The following LRBA variants were observed in gnomAD, a reference collection of about 807,000 sequenced individuals.
The protein encoded by LRBA is LPS responsive beige-like anchor protein.
A neutral mutation model predicts 330.0 loss-of-function variants in LRBA; 176 were observed. The ratio of observed to expected loss-of-function variants is 0.53; its 90% CI spans 0.47 to 0.60. LRBA has a LOEUF of 0.60. Ranked by LOEUF, LRBA falls within the 20% of genes least tolerant of loss-of-function variation. LRBA has a pLI of 0.00. For missense variants in LRBA, 3,259 were observed against 3,444.8 expected (o/e 0.95, Z 1.35); for synonymous variants, 1,230 against 1,193.0 (o/e 1.03, Z -0.64).
At chr4:150,335,547 C>T (rs1352422250) in intron 48 of LRBA, among the ~76,000 whole-genome samples, 2 of 144,810 alleles carry the variant, frequency 1.4e-5, no homozygotes, top group African/African-American at 2.6e-5. Context: ...TATATATATA[C>T]ACACACACAT....
rs1199017052 is a variant in LRBA, at chr4:150,265,581, A to AAAAT, written c.*137_*140dup. On this transcript the variant is annotated 3_prime_UTR_variant, in exon 57 of 57. Coordinates refer to ENST00000651943, the MANE Select transcript of LRBA (RefSeq NM_001364905.1). ...CCAAAAAAGTCAAGCAAAGACTACAAAAATAGCAATTATTAATAACTTTAA... is the reference window on the plus strand; with the variant it reads ...CCAAAAAAGTCAAGCAAAGACTACAAAAATAAATAGCAATTATTAATAACTTTAA... 4.0e-5 allele frequency: 24 copies of AAAAT among 607,270 alleles called. No individual in the cohort carries two copies. The South Asian group carries it at 5.2e-4, about 13-fold the overall frequency. The allele number at this position is 607,270 out of a possible 1,614,324, so 37.6% of individuals were successfully genotyped here. A position where few individuals can be genotyped will look rare whatever the true frequency, so the allele number is the denominator to read the frequency against.
chr4:150,597,091 T>C, intron 38 of LRBA: 2 of 1,400,324 alleles, frequency 1.4e-6, no homozygotes, highest in East Asian at 4.9e-5. Context: ...ACCTTTGCTG[T>C]TCTCTCTCAA....
chr4:150,297,991 A>G (rs1394649225), intron 53 of LRBA, among the ~76,000 whole-genome samples: 1 of 152,182 alleles, frequency 6.6e-6, no homozygotes, highest in Non-Finnish European at 1.5e-5. Flanking sequence ...TTAAAAACAA[A>G]GTACACCTGT....
At chr4:150,515,385 A>C (rs573070698) in intron 40 of LRBA, among the ~76,000 whole-genome samples, 16 of 152,290 alleles carry the variant, frequency 1.1e-4, no homozygotes, top group African/African-American at 3.6e-4. Flanking sequence ...AAGTTAGTAA[A>C]ACAGGAGTGG....
intron 41 of LRBA, among the ~76,000 whole-genome samples, chr4:150,489,408 A>G (rs1255793962): frequency 2.0e-5 from 1 of 49,382 alleles, no homozygotes; most frequent in African/African-American, 6.3e-5. Flanking sequence ...TATTATATAT[A>G]AGAATATAAA....
intron 47 of LRBA, among the ~76,000 whole-genome samples, chr4:150,386,640 A>C (rs1488700400): frequency 6.6e-6 from 1 of 152,076 alleles, no homozygotes; most frequent in Non-Finnish European, 1.5e-5. Flanking sequence ...GAGTATATGT[A>C]CCACATTTTC....
At chr4:150,469,054 C>G (rs965892534) in intron 43 of LRBA, among the ~76,000 whole-genome samples, 2 of 151,792 alleles carry the variant, frequency 1.3e-5, no homozygotes, top group African/African-American at 4.8e-5. Flanking sequence ...TATGCTCCCC[C>G]ACTTCCTTCT....
At chr4:151,002,196 CAAA>C (rs143587760) in intron 2 of LRBA, among the ~76,000 whole-genome samples, 4 of 24,388 alleles carry the variant, frequency 1.6e-4, no homozygotes, top group East Asian at 1.4e-3. Context: ...CATAAAACAG[CAAA>C]AAAAAAAAAA....
At chr4:150,391,672 CA>C (rs1231656806) in intron 47 of LRBA, among the ~76,000 whole-genome samples, 2 of 152,018 alleles carry the variant, frequency 1.3e-5, no homozygotes, top group Non-Finnish European at 2.9e-5. Flanking sequence ...ATTTTCTGTA[CA>C]GTGAGAGATT....
chr4:150,590,158 A>G (rs1772627852), intron 39 of LRBA, among the ~76,000 whole-genome samples: 1 of 152,198 alleles, frequency 6.6e-6, no homozygotes, highest in South Asian at 2.1e-4. Context: ...CCGGCTAAAC[A>G]AGAGAATTTT....
At chr4:150,868,663 C>A (rs981185901) in intron 20 of LRBA, among the ~76,000 whole-genome samples, 20 of 152,120 alleles carry the variant, frequency 1.3e-4, no homozygotes, top group Admixed American at 3.9e-4. Flanking sequence ...GCAGGCCGGG[C>A]GAGGTGGCTC....
chr4:150,849,065 C>T, intron 25 of LRBA, 67 bp from the exon 26 acceptor site: 2 of 1,081,364 alleles, frequency 1.8e-6, no homozygotes, highest in Non-Finnish European at 2.6e-6. Flanking sequence ...CAGATATAGT[C>T]CTAAAATTTA....
intron 17 of LRBA, among the ~76,000 whole-genome samples, chr4:150,890,118 T>C (rs963881077): frequency 1.3e-4 from 20 of 152,148 alleles, no homozygotes; most frequent in Non-Finnish European, 2.9e-5. Flanking sequence ...GGAAAAAAGA[T>C]GGAAGTTGAA....
Position 150,827,946 on chromosome 4 carries a change from C to T in LRBA, c.5171+234G>A, listed in dbSNP as rs148571022. Reference sequence around the variant, plus strand: ...TAACATGTTCTTTTTTTCTAGCTTACCTTACTGTAAGATTACAGTATATAA... The same window carrying T: ...TAACATGTTCTTTTTTTCTAGCTTATCTTACTGTAAGATTACAGTATATAA... On this transcript the variant is annotated intron_variant, in intron 30 of 56. Coordinates refer to ENST00000651943, the MANE Select transcript of LRBA (RefSeq NM_001364905.1). 2.1e-4 allele frequency among the ~76,000 whole-genome samples: 32 copies of T among 152,078 alleles called. No individual in the cohort carries two copies. In the East Asian group the frequency reaches 6.0e-3, roughly 28 times the overall value.
At chr4:150,933,744 G>T (rs192431158) in intron 2 of LRBA, among the ~76,000 whole-genome samples, 6 of 152,184 alleles carry the variant, frequency 3.9e-5, no homozygotes, top group African/African-American at 9.6e-5. Flanking sequence ...AGGTAGGGTG[G>T]CTTATGCCTG....
chr4:150,801,193 AGTTTTACTCCATATTTTCCTG>A (rs1405890283), intron 33 of LRBA, among the ~76,000 whole-genome samples: 1 of 152,212 alleles, frequency 6.6e-6, no homozygotes, highest in African/African-American at 2.4e-5. Flanking sequence ...AAACTCAAGA[AGTTTTACTCCATATTTTCCTG>A]GTTTTGAAGG....
intron 52 of LRBA, among the ~76,000 whole-genome samples, chr4:150,307,157 C>T (rs962829201): frequency 6.6e-6 from 1 of 152,024 alleles, no homozygotes; most frequent in Non-Finnish European, 1.5e-5. Flanking sequence ...ACTAAAAACA[C>T]TCAAATGTCA....
intron 49 of LRBA, among the ~76,000 whole-genome samples, chr4:150,325,551 A>G (rs1005321630): frequency 2.6e-5 from 4 of 152,184 alleles, no homozygotes; most frequent in Admixed American, 2.6e-4. Flanking sequence ...AGGATTCATG[A>G]CAATTATGGA....
intron 56 of LRBA, among the ~76,000 whole-genome samples, chr4:150,270,927 G>A (rs766097266): frequency 1.3e-5 from 2 of 152,200 alleles, no homozygotes; most frequent in East Asian, 3.9e-4. Context: ...GGCAATCGCC[G>A]AATAGGAGCA....
Sources: allele counts gnomAD v4.1 joint callset (sites outside exome capture counted in the v4.1 genomes callset), GRCh38; gene constraint gnomAD v4.1.1; transcripts MANE v1.5; gene names NCBI Gene and HGNC (gene_info 2026-07-23, HGNC 2026-07-21).